The following PTPN14 variants were observed in gnomAD, a reference collection of about 807,000 sequenced individuals.
PTPN14 encodes protein tyrosine phosphatase non-receptor type 14, also known as tyrosine-protein phosphatase non-receptor type 14.
Under a neutral mutation model 126.8 loss-of-function variants are expected in PTPN14, and 53 were observed. That is an observed-to-expected ratio of 0.42 (90% confidence interval 0.34 to 0.53). PTPN14 has a LOEUF of 0.53. PTPN14 is among the 20% of genes least tolerant of loss of function. The probability of loss-of-function intolerance (pLI) is 0.08; values close to 1 mark genes in which losing one functional copy is unlikely to be tolerated. For missense variants in PTPN14, 1,257 were observed against 1,552.9 expected (o/e 0.81, Z 3.20); for synonymous variants, 630 against 599.3 (o/e 1.05, Z -0.75).
intron 1 of PTPN14, among the ~76,000 whole-genome samples, chr1:214,478,295 T>G (rs1172912947): frequency 1.3e-5 from 2 of 152,224 alleles, no homozygotes; most frequent in Non-Finnish European, 2.9e-5. Context: ...CTGCAGTTAT[T>G]AAAAATGAGT....
At chr1:214,406,957 C>A (rs74923428) in intron 5 of PTPN14, among the ~76,000 whole-genome samples, 1,896 of 152,232 alleles carry the variant, frequency 0.012, 45 homozygotes, top group African/African-American at 0.043. Flanking sequence ...ATACCAACTA[C>A]CCCATTTGAC....
chr1:214,492,662 C>T (rs1005252747), intron 1 of PTPN14, among the ~76,000 whole-genome samples: 4 of 152,126 alleles, frequency 2.6e-5, no homozygotes, highest in Non-Finnish European at 4.4e-5. Flanking sequence ...AATCCAAGCC[C>T]TTTGGGAGGC....
At position 214,455,007 on chromosome 1, in the gene PTPN14, C is replaced by T. The variant is rs1660352082; in HGVS notation, c.175-3033G>A. 1.3e-5 allele frequency among the ~76,000 whole-genome samples: 2 copies of T among 152,170 alleles called. 1 individual carries two copies. The highest frequency in any genetic ancestry group is 1.3e-4 in the Admixed American group (2 of 15,272). ...ATGCCCAAAGTAACCTTTTCCATTC[C>T]CACCCTACTCCTCCCGTTCTTCCTC... On this transcript the variant is annotated intron_variant, in intron 2 of 18. Transcript: ENST00000366956.
chr1:214,360,671 C>T (rs112169655), intron 18 of PTPN14, among the ~76,000 whole-genome samples: 212 of 152,382 alleles, frequency 1.4e-3, no homozygotes, highest in African/African-American at 5.0e-3. Flanking sequence ...GTGTTCAGAG[C>T]ACAGGCTCTG....
At chr1:214,382,346 A>T (rs781399937) in intron 13 of PTPN14, among the ~76,000 whole-genome samples, 5 of 149,170 alleles carry the variant, frequency 3.4e-5, no homozygotes, top group Non-Finnish European at 7.5e-5. Context: ...TAAAGCGATG[A>T]GGTTTAGTCC....
intron 3 of PTPN14, among the ~76,000 whole-genome samples, chr1:214,427,822 G>C (rs562142652): frequency 6.6e-6 from 1 of 152,194 alleles, no homozygotes; most frequent in Non-Finnish European, 1.5e-5. Context: ...TGGATATTTG[G>C]GGGATGGAGG....
rs774543492 is a variant in PTPN14 at position 214,384,628 on chromosome 1, T to C, written c.1227A>G (p.Val409=). ...CSQSFIQASP[V]SSNLSIPGSD... is the part of the protein sequence containing the mutation. ...TCCCAGGGATACTGAGGTTGGAGGA[T>C]ACAGGGGAGGCCTGGATGAAACTTT... Residue 409 remains valine, a synonymous_variant, in exon 13 of 19, where the codon GTA becomes GTG. Coordinates refer to ENST00000366956, the MANE Select transcript of PTPN14 (RefSeq NM_005401.5). This position sits in a 1 kb window ranked among gnomAD's most constrained non-coding sequence, Gnocchi z 5.3. 1 of 1,614,136 alleles carries C rather than the reference T, an allele frequency of 6.2e-7. No individual in the cohort carries two copies. Among genetic ancestry groups the C allele is most frequent in the Non-Finnish European group, 8.5e-7 (1 of 1,180,034 alleles).
chr1:214,540,262 T>G (rs1385550496), intron 1 of PTPN14, among the ~76,000 whole-genome samples: 1 of 152,126 alleles, frequency 6.6e-6, no homozygotes, highest in African/African-American at 2.4e-5. Context: ...TCAAAAAATG[T>G]GTACCTTCAT....
intron 4 of PTPN14, among the ~76,000 whole-genome samples, chr1:214,414,208 G>A (rs1659374809): frequency 6.6e-6 from 1 of 152,050 alleles, no homozygotes; most frequent in African/African-American, 2.4e-5. Context: ...CTCTTTAATT[G>A]CATTAGAATG....
intron 12 of PTPN14, among the ~76,000 whole-genome samples, chr1:214,385,217 A>T (rs1447197110): frequency 6.6e-6 from 1 of 152,190 alleles, no homozygotes; most frequent in Non-Finnish European, 1.5e-5. Flanking sequence ...CTAAGTGCTC[A>T]GAGCTGCTCT....
At chr1:214,542,748 C>A (rs1161758099) in intron 1 of PTPN14, among the ~76,000 whole-genome samples, 2 of 152,096 alleles carry the variant, frequency 1.3e-5, no homozygotes, top group Non-Finnish European at 2.9e-5. Context: ...AATGACTGGG[C>A]CTGTTCAGGA....
intron 3 of PTPN14, among the ~76,000 whole-genome samples, chr1:214,436,195 A>G (rs1659911211): frequency 6.6e-6 from 1 of 152,202 alleles, no homozygotes. Context: ...CTAAACATCT[A>G]GAACACATGG....
chr1:214,458,918 G>A (rs947663331), intron 2 of PTPN14, among the ~76,000 whole-genome samples: 9 of 152,056 alleles, frequency 5.9e-5, no homozygotes, highest in African/African-American at 1.9e-4. Flanking sequence ...CACTGATGCA[G>A]ACATATTATA....
intron 1 of PTPN14, among the ~76,000 whole-genome samples, chr1:214,548,213 G>C (rs1286857665): frequency 6.6e-6 from 1 of 152,156 alleles, no homozygotes; most frequent in African/African-American, 2.4e-5. Flanking sequence ...GGCAGCGCTA[G>C]AATTCCAACC....
intron 18 of PTPN14, among the ~76,000 whole-genome samples, chr1:214,358,746 C>T (rs1571948014): frequency 6.9e-6 from 1 of 145,436 alleles, no homozygotes; most frequent in African/African-American, 2.5e-5. Flanking sequence ...CTCATTATTC[C>T]TTTTTTTTTT....
Position 214,357,832 on chromosome 1 carries a change from C to A in PTPN14, c.*90G>T. 2 of 1,227,356 alleles carry A rather than the reference C, an allele frequency of 1.6e-6. No individual in the cohort carries two copies. The highest frequency in any genetic ancestry group is 1.5e-5 in the South Asian group (1 of 66,720). 76.0% of individuals were successfully genotyped at this position (1,227,356 alleles called of 1,614,324 possible). On this transcript the variant is annotated 3_prime_UTR_variant, in exon 19 of 19. Transcript: ENST00000366956. The stretch of plus-strand genomic sequence containing the variant: ...GCCTGTTTGCTGCCAGCCACCTGCA[C>A]CCCTGTGGGGGGAGCAGATGTTGTC...
intron 1 of PTPN14, among the ~76,000 whole-genome samples, chr1:214,513,754 C>A (rs1442130067): frequency 6.6e-6 from 1 of 152,050 alleles, no homozygotes; most frequent in African/African-American, 2.4e-5. Context: ...GTTTCTCGAT[C>A]GGTAAAATGG....
rs1399463691 is a variant in PTPN14, at chr1:214,482,781, T to G, written c.-154-17824A>C. ...TTAGATGACTCTTCCCCCTGGATTT[T>G]ACCTGGGAGTGGCCTTTTTACATTT... On this transcript the variant is annotated intron_variant, in intron 1 of 18. Transcript: ENST00000366956. The G allele has an allele frequency of 1.9e-6, 3 of 1,598,570 alleles. No individual in the cohort carries two copies. In the East Asian group the frequency reaches 6.7e-5, roughly 36 times the overall value.
Position 214,398,770 on chromosome 1 carries a change from A to T in PTPN14, c.670-769T>A, listed in dbSNP as rs1191121557. The stretch of plus-strand genomic sequence containing the variant: ...ATTCTTGAAATCACTAAAAGAGTAA[A>T]TTTTTTTTTTTTTTGAGACGTAGTC... On this transcript the variant is annotated intron_variant, in intron 7 of 18. Coordinates refer to ENST00000366956, the MANE Select transcript of PTPN14 (RefSeq NM_005401.5). Among the ~76,000 whole-genome samples, 5 of 140,856 alleles carry T rather than the reference A, an allele frequency of 3.5e-5. No individual in the cohort carries two copies. The East Asian group carries it at 8.3e-4, about 23-fold the overall frequency. The allele number at this position is 140,856 out of a possible 152,430, so 92.4% of individuals were successfully genotyped here.
Sources: allele counts gnomAD v4.1 joint callset (sites outside exome capture counted in the v4.1 genomes callset), GRCh38; gene constraint gnomAD v4.1.1; non-coding constraint Gnocchi (gnomAD v3.1); transcripts MANE v1.5; gene names NCBI Gene and HGNC (gene_info 2026-07-23, HGNC 2026-07-21).